Variants in RAB38 observed in about 807,000 individuals in gnomAD.
RAB38 encodes ras-related protein Rab-38.
Under a neutral mutation model 18.4 loss-of-function variants are expected in RAB38, and 15 were observed. That is an observed-to-expected ratio of 0.82 (90% CI 0.55 to 1.26). The LOEUF (loss-of-function observed/expected upper bound fraction) is 1.26. RAB38 is among the 50% of genes most tolerant of loss of function. The probability of loss-of-function intolerance (pLI) is 0.00; values close to 1 mark genes in which losing one functional copy is unlikely to be tolerated. For missense variants in RAB38, 294 were observed against 267.4 expected (o/e 1.10, Z -0.69); for synonymous variants, 101 against 104.4 (o/e 0.97, Z 0.20).
At chr11:87,842,966 C>T in the RAB38 span, among the ~76,000 whole-genome samples, 1 of 152,176 alleles carries the variant, frequency 6.6e-6, no homozygotes, top group Non-Finnish European at 1.5e-5. Flanking sequence ...TGGAAACAAG[C>T]TGTAGGGGAA....
At chr11:88,109,993 T>C (rs1942452289), downstream of RAB38, among the ~76,000 whole-genome samples, 1 of 152,172 alleles carries the variant, frequency 6.6e-6, no homozygotes, top group African/African-American at 2.4e-5. Context: ...AGAAATACCA[T>C]TTGACCCAGC....
chr11:87,965,763 A>G, the RAB38 span, among the ~76,000 whole-genome samples: 3 of 152,150 alleles, frequency 2.0e-5, no homozygotes, highest in Non-Finnish European at 2.9e-5. Context: ...GCCAGTTTTT[A>G]TAGGTATTAT....
chr11:87,951,564 G>C, the RAB38 span, among the ~76,000 whole-genome samples: 1 of 152,054 alleles, frequency 6.6e-6, no homozygotes, highest in South Asian at 2.1e-4. Context: ...GTCATGTACA[G>C]ATGGGGTTTT....
the RAB38 span, among the ~76,000 whole-genome samples, chr11:87,833,627 T>G: frequency 6.6e-6 from 1 of 152,202 alleles, no homozygotes; most frequent in Non-Finnish European, 1.5e-5. Context: ...CTCAAAAATC[T>G]TGTAAGTACT....
chr11:88,062,799 T>C, the RAB38 span, among the ~76,000 whole-genome samples: 2 of 152,212 alleles, frequency 1.3e-5, no homozygotes, highest in Admixed American at 1.3e-4. Context: ...GCCTCAATTT[T>C]ACAACCCCAT....
chr11:88,162,491 AAG>A (rs2134847137), intron 1 of RAB38, among the ~76,000 whole-genome samples: 1 of 152,212 alleles, frequency 6.6e-6, no homozygotes, highest in Admixed American at 6.6e-5. Flanking sequence ...TTAGTTATTT[AAG>A]AGTTTTCTGT....
chr11:88,032,628 G>A, the RAB38 span, among the ~76,000 whole-genome samples: 32 of 152,286 alleles, frequency 2.1e-4, 1 homozygote, highest in South Asian at 3.3e-3. Flanking sequence ...ATGAAAAAAC[G>A]CTCGCCATCA....
At chr11:88,132,304 G>C (rs976620549) in intron 2 of RAB38, among the ~76,000 whole-genome samples, 1 of 152,202 alleles carries the variant, frequency 6.6e-6, no homozygotes, top group Non-Finnish European at 1.5e-5. Context: ...AGGAAGTTGA[G>C]CCATTTATGA....
chr11:88,153,018 G>A (rs996497766), intron 1 of RAB38, among the ~76,000 whole-genome samples: 5 of 152,314 alleles, frequency 3.3e-5, no homozygotes, highest in African/African-American at 1.2e-4. Flanking sequence ...AGCTATGAAG[G>A]GTGTTAAATA....
the RAB38 span, among the ~76,000 whole-genome samples, chr11:88,029,844 A>AT: frequency 6.6e-5 from 10 of 152,134 alleles, no homozygotes; most frequent in Non-Finnish European, 1.3e-4. Context: ...CAACAAGGAT[A>AT]CCAGGAATTG....
the RAB38 span, among the ~76,000 whole-genome samples, chr11:87,858,959 T>C: frequency 7.1e-6 from 1 of 141,290 alleles, no homozygotes; most frequent in Non-Finnish European, 1.6e-5. Context: ...AAAAAAAAAA[T>C]AAGCAAAACA....
chr11:87,882,548 T>C, the RAB38 span, among the ~76,000 whole-genome samples: 6 of 151,988 alleles, frequency 3.9e-5, no homozygotes, highest in South Asian at 8.3e-4. Context: ...TATGAATCAT[T>C]TGCTTCCTGC....
chr11:87,971,673 T>C, the RAB38 span, among the ~76,000 whole-genome samples: 1 of 152,130 alleles, frequency 6.6e-6, no homozygotes. Flanking sequence ...ATGCTGATGC[T>C]AGACAGAGGC....
At chr11:88,066,035 C>G in the RAB38 span, among the ~76,000 whole-genome samples, 7 of 152,204 alleles carry the variant, frequency 4.6e-5, no homozygotes, top group Admixed American at 1.3e-4. Flanking sequence ...GCACTGCAGA[C>G]TGCTTTGTTT....
the RAB38 span, among the ~76,000 whole-genome samples, chr11:87,963,165 G>A: frequency 3.3e-5 from 5 of 152,224 alleles, no homozygotes; most frequent in East Asian, 9.6e-4. Context: ...TTAATTCTCT[G>A]AATTTTCTAC....
intron 2 of RAB38, among the ~76,000 whole-genome samples, chr11:88,116,722 A>G (rs1942558400): frequency 1.3e-5 from 2 of 152,240 alleles, no homozygotes; most frequent in Admixed American, 1.3e-4. Context: ...TTATAATAAA[A>G]ACATGTTTAT....
chr11:87,823,373 T>G, the RAB38 span, among the ~76,000 whole-genome samples: 2 of 148,478 alleles, frequency 1.3e-5, no homozygotes, highest in Non-Finnish European at 3.0e-5. Flanking sequence ...ATAAGCCCAG[T>G]TAAAATCCCA....
intron 1 of RAB38, among the ~76,000 whole-genome samples, chr11:88,171,869 T>A (rs998499495): frequency 3.0e-4 from 46 of 152,322 alleles, no homozygotes; most frequent in Non-Finnish European, 1.5e-4. Context: ...AAATGACCTA[T>A]TTTTTTAAAA....
the RAB38 span, among the ~76,000 whole-genome samples, chr11:87,841,627 C>T: frequency 6.6e-6 from 1 of 152,046 alleles, no homozygotes; most frequent in African/African-American, 2.4e-5. Flanking sequence ...GGATGTTTGT[C>T]TGAAGACCAG....
Sources: gnomAD v4.1 joint callset for allele counts (sites outside exome capture counted in the v4.1 genomes callset) on GRCh38, gnomAD v4.1.1 for gene constraint, MANE v1.5 for transcripts, NCBI Gene and HGNC (gene_info 2026-07-23, HGNC 2026-07-21) for gene names.